The following AFF1 variants were observed in gnomAD, a reference collection of about 807,000 sequenced individuals.
AFF1 encodes the protein AF4/FMR2 family member 1.
Under a neutral mutation model 121.7 loss-of-function variants are expected in AFF1, and 48 were observed. That is an observed-to-expected ratio of 0.39 (90% confidence interval 0.31 to 0.50). AFF1 has a LOEUF of 0.50. Among genes scored for constraint, AFF1 ranks in the 20% least tolerant of loss-of-function variants. The pLI, the probability that AFF1 is intolerant of heterozygous loss-of-function variation, is 0.76. For synonymous variants in AFF1, 613 were observed against 563.0 expected (o/e 1.09, Z -1.26); for missense variants, 1,523 against 1,511.7 (o/e 1.01, Z -0.12).
At chr4:86,977,591 C>A (rs747133408) in intron 2 of AFF1, among the ~76,000 whole-genome samples, 30 of 152,118 alleles carry the variant, frequency 2.0e-4, no homozygotes, top group Admixed American at 1.7e-3. Context: ...ATTACCTGTT[C>A]CTTCACCTGT....
intron 2 of AFF1, among the ~76,000 whole-genome samples, chr4:86,967,513 G>T (rs781594236): frequency 2.0e-5 from 3 of 152,152 alleles, no homozygotes; most frequent in Non-Finnish European, 2.9e-5. Flanking sequence ...ATTTTAAAAG[G>T]TCGCTTGTCA....
intron 2 of AFF1, among the ~76,000 whole-genome samples, chr4:86,993,167 T>TTTCTTATAGGTTTGA (rs1252693673): frequency 6.6e-6 from 1 of 152,200 alleles, no homozygotes; most frequent in Non-Finnish European, 1.5e-5. Flanking sequence ...GTAAAATCCA[T>TTTCTTATAGGTTTGA]ACCTCCAATT....
intron 1 of AFF1, among the ~76,000 whole-genome samples, chr4:86,943,366 A>G (rs1373913726): frequency 2.0e-5 from 3 of 152,208 alleles, no homozygotes; most frequent in Non-Finnish European, 4.4e-5. Flanking sequence ...GAATCAGACT[A>G]AAACAGAATG....
intron 7 of AFF1, among the ~76,000 whole-genome samples, chr4:87,093,881 G>A (rs1466429614): frequency 6.6e-6 from 1 of 152,078 alleles, no homozygotes; most frequent in South Asian, 2.1e-4. Context: ...CTAGACAAAT[G>A]CAGCTGCCTC....
chr4:87,094,105 A>G (rs1724587492), intron 7 of AFF1, among the ~76,000 whole-genome samples: 1 of 152,082 alleles, frequency 6.6e-6, no homozygotes, highest in Non-Finnish European at 1.5e-5. Context: ...TCTGCACCTC[A>G]GCCCTGCCCT....
intron 2 of AFF1, among the ~76,000 whole-genome samples, chr4:86,953,458 G>C (rs963716563): frequency 1.3e-5 from 2 of 152,178 alleles, no homozygotes; most frequent in African/African-American, 4.8e-5. Flanking sequence ...CCCTTACTTT[G>C]CTCAGGGCTA....
At chr4:87,067,364 TCTC>T (rs1401671949) in intron 4 of AFF1, among the ~76,000 whole-genome samples, 1 of 152,240 alleles carries the variant, frequency 6.6e-6, no homozygotes, top group Non-Finnish European at 1.5e-5. Flanking sequence ...TCTACAAACA[TCTC>T]CTGAGATTTT....
At position 87,136,437 on chromosome 4, in the gene AFF1, G is replaced by C. The variant is rs781173717; in HGVS notation, c.*736G>C. 3 of 232,660 alleles carry C rather than the reference G, an allele frequency of 1.3e-5. No individual in the cohort carries two copies. Among genetic ancestry groups the C allele is most frequent in the African/African-American group, 2.2e-5 (1 of 45,294 alleles). The allele number at this position is 232,660 out of a possible 1,614,324, so 14.4% of individuals were successfully genotyped here. A position where few individuals can be genotyped will look rare whatever the true frequency, so the allele number is the denominator to read the frequency against. On this transcript the variant is annotated 3_prime_UTR_variant, in exon 21 of 21. Transcript: ENST00000395146. ...CAGCCCACGTCGGAGCGGTGAGGAG[G>C]AGCCACAGCACATGGGGTGCCACCT...
intron 2 of AFF1, among the ~76,000 whole-genome samples, chr4:86,986,642 G>C (rs1297157295): frequency 6.6e-6 from 1 of 151,670 alleles, no homozygotes; most frequent in East Asian, 1.9e-4. Context: ...TCATAAAAAA[G>C]AATATAGATT....
intron 4 of AFF1, among the ~76,000 whole-genome samples, chr4:87,069,816 ATT>A (rs751029258): frequency 1.3e-4 from 16 of 121,282 alleles, no homozygotes; most frequent in Admixed American, 1.8e-4. Context: ...ATCACTCAGG[ATT>A]TTTTTTTTTT....
chr4:87,048,989 C>T (rs1730994786), intron 4 of AFF1, among the ~76,000 whole-genome samples: 1 of 150,546 alleles, frequency 6.6e-6, no homozygotes, highest in Non-Finnish European at 1.5e-5. Context: ...AAAACAGTCA[C>T]TCCCCCTGCC....
In AFF1 at chr4:87,135,616, T is replaced by C; in HGVS notation, c.3572T>C (p.Leu1191Ser). ...CGGCTCAGCACAAATGTGTGCACCT[T>C]GGCCCTCAACAGCAGTTTGGTGGAC... ...FARLSTNVCT[L>S]ALNSSLVDLV... Residue 1191 changes from leucine to serine, a missense_variant, in exon 21 of 21, where the codon TTG (leucine) becomes TCG (serine). Leu to Ser is a moderately radical substitution (Grantham distance 145). Coordinates refer to ENST00000395146, the MANE Select transcript of AFF1 (RefSeq NM_001166693.3). 1 of 1,611,568 alleles carries C rather than the reference T, an allele frequency of 6.2e-7. No individual in the cohort carries two copies. The highest frequency in any genetic ancestry group is 8.5e-7 in the Non-Finnish European group (1 of 1,178,758).
intron 2 of AFF1, among the ~76,000 whole-genome samples, chr4:86,996,075 G>GC (rs1163735115): frequency 6.6e-6 from 1 of 151,572 alleles, no homozygotes; most frequent in Non-Finnish European, 1.5e-5. Context: ...TCTCTGCCCG[G>GC]CAGCCACCTC....
chr4:87,010,894 G>A (rs2149536078), intron 2 of AFF1, among the ~76,000 whole-genome samples: 1 of 152,214 alleles, frequency 6.6e-6, no homozygotes, highest in East Asian at 1.9e-4. Context: ...CCAGACCACT[G>A]TGAAACCCCA....
chr4:87,098,513 C>A (rs1284427405), intron 8 of AFF1, among the ~76,000 whole-genome samples: 1 of 152,124 alleles, frequency 6.6e-6, no homozygotes, highest in Non-Finnish European at 1.5e-5. Context: ...TTTTTCTGTG[C>A]AGCCAGATTT....
At chr4:86,988,369 C>T (rs1046103367) in intron 2 of AFF1, among the ~76,000 whole-genome samples, 3 of 149,650 alleles carry the variant, frequency 2.0e-5, no homozygotes, top group South Asian at 2.1e-4. Flanking sequence ...TTCTCTACTC[C>T]GTTAGATCAA....
chr4:87,072,344 C>G (rs1465553685), intron 4 of AFF1, among the ~76,000 whole-genome samples: 1 of 117,962 alleles, frequency 8.5e-6, no homozygotes, highest in Admixed American at 1.1e-4. Flanking sequence ...GCCTGGGCAA[C>G]AGAGCGAGAC....
intron 12 of AFF1, among the ~76,000 whole-genome samples, chr4:87,124,774 G>A (rs985657405): frequency 7.2e-5 from 11 of 152,054 alleles, no homozygotes; most frequent in African/African-American, 1.7e-4. Context: ...AGGCATCTTC[G>A]TTTTCTTGCA....
rs571079961 is a variant in AFF1 at position 86,966,667 on chromosome 4, G to T, written c.38+18096G>T. 6.4e-4 allele frequency among the ~76,000 whole-genome samples: 97 copies of T among 152,178 alleles called. No individual in the cohort carries two copies. In the South Asian group the frequency reaches 0.02, roughly 31 times the overall value. ...TAAGAGTTACTTGGCTCAGTCTGCT[G>T]GTTGAGCCTTTAGGATTTGTTGATT... is the stretch of plus-strand genomic sequence containing the variant. On this transcript the variant is annotated intron_variant, in intron 2 of 20. Transcript: ENST00000395146.
Sources: gnomAD v4.1 joint callset for allele counts (sites outside exome capture counted in the v4.1 genomes callset) on GRCh38, gnomAD v4.1.1 for gene constraint, MANE v1.5 for transcripts, NCBI Gene and HGNC (gene_info 2026-07-23, HGNC 2026-07-21) for gene names.